PAQR4: variants seen among roughly 807,000 people sequenced by gnomAD.
PAQR4 encodes the protein progestin and adipoQ receptor family member IV.
In PAQR4, 26 loss-of-function variants were observed where a neutral mutation model predicts 20.9. That is an observed-to-expected ratio of 1.24 (90% confidence interval 0.91 to 1.73). The LOEUF is 1.73. Among genes scored for constraint, PAQR4 ranks in the 40% most tolerant of loss-of-function variants. PAQR4 has a pLI of 0.00. For missense variants in PAQR4, 400 were observed against 380.1 expected (o/e 1.05, Z -0.44); for synonymous variants, 193 against 171.6 (o/e 1.12, Z -0.97).
rs937113652 is a variant in PAQR4 at position 2,969,471 on chromosome 16, G to C, written c.-204G>C. The C allele has an allele frequency of 5.6e-5, 19 of 339,292 alleles. No individual in the cohort carries two copies. Among genetic ancestry groups the C allele is most frequent in the Non-Finnish European group, 8.3e-5 (17 of 204,244 alleles). 21.0% of individuals were successfully genotyped at this position (339,292 alleles called of 1,614,324 possible). A position where few individuals can be genotyped will look rare whatever the true frequency, so the allele number is the denominator to read the frequency against. On this transcript the variant is annotated 5_prime_UTR_variant, in exon 1 of 3. Transcript: ENST00000318782. ...GCGTCCCCAGCCTCCGCCCCGGCGC[G>C]GGGGCGACGGACTCGCGCGTGCGCA...
At chr16:2,970,255 T>C in intron 1 of PAQR4, 1 of 179,400 alleles carries the variant, frequency 5.6e-6, no homozygotes, top group Non-Finnish European at 1.2e-5. Flanking sequence ...AGCCGCTCTG[T>C]CTTGGGGCTC....
Position 2,969,846 on chromosome 16 carries a change from C to CCGCGTCCCGCAACG in PAQR4, c.166+10_166+23dup. The CCGCGTCCCGCAACG allele has an allele frequency of 6.2e-7, 1 of 1,608,974 alleles. No homozygotes were observed. Among genetic ancestry groups the CCGCGTCCCGCAACG allele is most frequent in the Non-Finnish European group, 8.5e-7 (1 of 1,178,304 alleles). ...GGGCAACATCTACACGCACGGTGAG[C>CCGCGTCCCGCAACG]CGCGTCCCGCAACGCGCTTCCCACA... On this transcript the variant is annotated splice_region_variant and intron_variant, in intron 1 of 2. Coordinates refer to ENST00000318782, the MANE Select transcript of PAQR4 (RefSeq NM_152341.5).
Position 2,971,627 on chromosome 16 carries a change from C to T in PAQR4, c.501C>T (p.Ala167=), listed in dbSNP as rs142664175. 6,194 of 1,606,864 alleles carry T rather than the reference C, an allele frequency of 3.9e-3. 18 individuals carry two copies. The highest frequency in any genetic ancestry group is 4.8e-3 in the Non-Finnish European group (5,642 of 1,179,848). The change falls in exon 3 of 3, where the codon GCC becomes GCT. Residue 167 remains alanine, a synonymous_variant. Coordinates refer to ENST00000318782, the MANE Select transcript of PAQR4 (RefSeq NM_152341.5). ...TGGCCGGCTGGCGTGCTCTCACCGC[C>T]CCCTCCACCAGTGCTCGGCTCCGGG... The part of the protein sequence containing the change: ...SGVAGWRALT[A]PSTSARLRAF...
rs932076811 is a variant in PAQR4 at position 2,973,234 on chromosome 16, G to C, written c.*1286G>C. ...TGAAGGCCTGCAGGAGGGCAGGCGA[G>C]ACAAGGAGGGTGTCCAGGGCTAGGG... On this transcript the variant is annotated 3_prime_UTR_variant, in exon 3 of 3. Transcript: ENST00000318782. 2 of 1,484,286 alleles carry C rather than the reference G, an allele frequency of 1.3e-6. No individual in the cohort carries two copies. The highest frequency in any genetic ancestry group is 1.8e-6 in the Non-Finnish European group (2 of 1,113,456). The allele number at this position is 1,484,286 out of a possible 1,614,324, so 91.9% of individuals were successfully genotyped here.
At chr16:2,971,062 G>A in intron 1 of PAQR4, 95 bp from the exon 2 acceptor site, 5 of 1,260,906 alleles carry the variant, frequency 4.0e-6, no homozygotes, top group Non-Finnish European at 5.6e-6. Flanking sequence ...AGCATTACCT[G>A]GACCTGTCTT....
In PAQR4 at chr16:2,971,282, C is replaced by T. The variant is rs2071980430; in HGVS notation, c.292C>T (p.Leu98Phe). The T allele has an allele frequency of 1.2e-6, 2 of 1,612,958 alleles. No individual in the cohort carries two copies. The highest frequency in any genetic ancestry group is 1.7e-6 in the Non-Finnish European group (2 of 1,180,018). ...CCTTGCACCCCCTGCAGGCTCCGTG[C>T]TCTATCACCTCTTTATGTGCCACCA... is the stretch of plus-strand genomic sequence containing the variant. The part of the protein sequence containing the change: ...ACLAPPAGSV[L>F]YHLFMCHQGG... Residue 98 changes from leucine (L) to phenylalanine (F), a missense_variant, in exon 2 of 3, where the codon CTC (leucine) becomes TTC (phenylalanine). Coordinates refer to ENST00000318782, the MANE Select transcript of PAQR4 (RefSeq NM_152341.5).
Position 2,969,641 on chromosome 16 carries a change from A to T in PAQR4, c.-34A>T. 1.4e-6 allele frequency: 2 copies of T among 1,475,870 alleles called. No individual in the cohort carries two copies. Among genetic ancestry groups the T allele is most frequent in the Non-Finnish European group, 1.8e-6 (2 of 1,115,742 alleles). The allele number at this position is 1,475,870 out of a possible 1,614,324, so 91.4% of individuals were successfully genotyped here. The stretch of plus-strand genomic sequence containing the variant: ...CCCACTGAGGAGGAGGCTCGGGGAC[A>T]GCAGGAGCACGGGCTGCCCGCGCGG... On this transcript the variant is annotated 5_prime_UTR_variant, in exon 1 of 3. Coordinates refer to ENST00000318782, the MANE Select transcript of PAQR4 (RefSeq NM_152341.5).
rs1047844109 is a variant in PAQR4 at position 2,972,609 on chromosome 16, T to C, written c.*661T>C. ...TGCCTGCCCTCCACCTTGAGTGCCA[T>C]ACTCCCAACAGCTCCAGGTACCCAC... On this transcript the variant is annotated 3_prime_UTR_variant, in exon 3 of 3. Transcript: ENST00000318782. The C allele has an allele frequency of 2.3e-5, 35 of 1,533,700 alleles. No homozygotes were observed. The highest frequency in any genetic ancestry group is 2.3e-5 in the Non-Finnish European group (26 of 1,145,786).
intron 1 of PAQR4, 149 bp from the exon 2 acceptor site, chr16:2,971,008 C>T (rs1295206849): frequency 1.6e-5 from 12 of 730,044 alleles, no homozygotes; most frequent in Non-Finnish European, 2.3e-5. Flanking sequence ...AGCCTTTTGC[C>T]CAGGGCCTGT....
intron 1 of PAQR4, among the ~76,000 whole-genome samples, chr16:2,970,791 C>T (rs2071963824): frequency 6.6e-6 from 1 of 152,266 alleles, no homozygotes; most frequent in Non-Finnish European, 1.5e-5. Context: ...GTTTCGCTGC[C>T]TTAGCCTTCT....
In PAQR4 at chr16:2,969,816, G is replaced by A. The variant is rs1596437800; in HGVS notation, c.142G>A (p.Glu48Lys). ...GCGCAGCCTCTTCTACCTGCACAAC[G>A]AACTGGGCAACATCTACACGCACGG... ...CLRSLFYLHN[E>K]LGNIYTHGLA... Residue 48 changes from glutamate to lysine, a missense_variant, in exon 1 of 3, where the codon GAA (glutamate) becomes AAA (lysine). Glu to Lys is a moderately conservative substitution (Grantham distance 56). Transcript: ENST00000318782. The A allele has an allele frequency of 3.7e-6, 6 of 1,610,776 alleles. No homozygotes were observed. The South Asian group carries it at 6.6e-5, about 18-fold the overall frequency.
Position 2,973,424 on chromosome 16 carries a change from T to C in PAQR4, c.*1476T>C, listed in dbSNP as rs768991811. On this transcript the variant is annotated 3_prime_UTR_variant, in exon 3 of 3. Coordinates refer to ENST00000318782, the MANE Select transcript of PAQR4 (RefSeq NM_152341.5). The stretch of plus-strand genomic sequence containing the variant: ...TCTGGCTGCACTCCAAGGCCCCCTC[T>C]GTCCTTTTCAGAACACATGGACTTG... 2 of 1,532,736 alleles carry C rather than the reference T, an allele frequency of 1.3e-6. No homozygotes were observed. The highest frequency in any genetic ancestry group is 3.4e-4 in the Middle Eastern group (2 of 5,960). The allele number at this position is 1,532,736 out of a possible 1,614,324, so 94.9% of individuals were successfully genotyped here. A position where few individuals can be genotyped will look rare whatever the true frequency, so the allele number is the denominator to read the frequency against.
Position 2,971,228 on chromosome 16 carries a change from T to C in PAQR4, c.238T>C (p.Trp80Arg). ...CTGGGGTCAGCTGGGCAAGGATGGC[T>C]GGCTGGGAGGCACACATTGCGTGGC... ...MPWGQLGKDGWLGGTHCVACL... is the reference protein window; with the variant it reads ...MPWGQLGKDGRLGGTHCVACL... Residue 80 changes from tryptophan to arginine, a missense_variant, in exon 2 of 3, where the codon TGG becomes CGG. Coordinates refer to ENST00000318782, the MANE Select transcript of PAQR4 (RefSeq NM_152341.5). The C allele has an allele frequency of 6.2e-7, 1 of 1,613,308 alleles. No homozygotes were observed. The highest frequency in any genetic ancestry group is 8.5e-7 in the Non-Finnish European group (1 of 1,180,004).
At position 2,969,518 on chromosome 16, in the gene PAQR4, G is replaced by C. The variant is rs1481311209; in HGVS notation, c.-157G>C. 5 of 727,286 alleles carry C rather than the reference G, an allele frequency of 6.9e-6. No homozygotes were observed. The highest frequency in any genetic ancestry group is 9.4e-6 in the Non-Finnish European group (5 of 533,258). The allele number at this position is 727,286 out of a possible 1,614,324, so 45.1% of individuals were successfully genotyped here. A position where few individuals can be genotyped will look rare whatever the true frequency, so the allele number is the denominator to read the frequency against. On this transcript the variant is annotated 5_prime_UTR_variant, in exon 1 of 3. Coordinates refer to ENST00000318782, the MANE Select transcript of PAQR4 (RefSeq NM_152341.5). ...CGCAGCGCCGGAGGGGCGCGGGCTG[G>C]GACCCCCTAGCCAGCGCGTGCGCCG... is the stretch of plus-strand genomic sequence containing the variant.
Position 2,972,982 on chromosome 16 carries a change from G to A in PAQR4, c.*1034G>A. Reference sequence around the variant, plus strand: ...GTTGGGTCTAGGGTGTCCTCAAACAGGCTGAGGAGGTTCCGAGGCTCAAAG... The same window carrying A: ...GTTGGGTCTAGGGTGTCCTCAAACAAGCTGAGGAGGTTCCGAGGCTCAAAG... On this transcript the variant is annotated 3_prime_UTR_variant, in exon 3 of 3. Coordinates refer to ENST00000318782, the MANE Select transcript of PAQR4 (RefSeq NM_152341.5). 6.2e-7 allele frequency: 1 copy of A among 1,609,988 alleles called. No homozygotes were observed. The highest frequency in any genetic ancestry group is 8.5e-7 in the Non-Finnish European group (1 of 1,179,074).
Position 2,971,535 on chromosome 16 carries a change from T to C in PAQR4, c.409T>C (p.Cys137Arg), listed in dbSNP as rs753612634. The change falls in exon 3 of 3, where the codon TGC (cysteine) becomes CGC (arginine). Residue 137 changes from cysteine (C) to arginine (R), a missense_variant. By Grantham distance (180) the Cys-to-Arg change is radical. Transcript: ENST00000318782. ...TGCAGGGGCCCTGCCCATCATCCAC[T>C]GCACCCTGGCCTGCAGGCCCTGGCT... ...NTLGALPIIHCTLACRPWLRP... is the reference protein window; with the variant it reads ...NTLGALPIIHRTLACRPWLRP... The C allele has an allele frequency of 1.3e-6, 2 of 1,590,266 alleles. No individual in the cohort carries two copies. The highest frequency in any genetic ancestry group is 1.7e-6 in the Non-Finnish European group (2 of 1,173,440).
Position 2,972,940 on chromosome 16 carries a change from CAG to C in PAQR4, c.*995_*996del, listed in dbSNP as rs745881639. Reference sequence around the variant, plus strand: ...GGATAAAAGGTTAAAAGTGCAGAGGCAGAGTCTGGGGCTCAGGTTGGGTCTAG... The same window carrying C: ...GGATAAAAGGTTAAAAGTGCAGAGGCAGTCTGGGGCTCAGGTTGGGTCTAG... On this transcript the variant is annotated 3_prime_UTR_variant, in exon 3 of 3. Coordinates refer to ENST00000318782, the MANE Select transcript of PAQR4 (RefSeq NM_152341.5). 5.6e-6 allele frequency: 9 copies of C among 1,593,380 alleles called. No individual in the cohort carries two copies. The African/African-American group carries it at 1.2e-4, about 21-fold the overall frequency.
chr16:2,972,677 C>T lies in PAQR4; in HGVS notation c.*729C>T. ...CAGGAAACCTCTTTGCTCCACACAG[C>T]ATGGGGCTTCAGCTGCTGGCCCAAG... On this transcript the variant is annotated 3_prime_UTR_variant, in exon 3 of 3. Transcript: ENST00000318782. The T allele has an allele frequency of 6.5e-7, 1 of 1,535,852 alleles. No individual in the cohort carries two copies. The highest frequency in any genetic ancestry group is 2.4e-5 in the East Asian group (1 of 40,908).
chr16:2,969,950 C>A, intron 1 of PAQR4, 110 bp downstream of exon 1: 1 of 1,389,938 alleles, frequency 7.2e-7, no homozygotes, highest in Non-Finnish European at 9.7e-7. Context: ...AGGGCTGCCC[C>A]GGCCCTGGCA....
Sources: allele counts gnomAD v4.1 joint callset (sites outside exome capture counted in the v4.1 genomes callset), GRCh38; gene constraint gnomAD v4.1.1; transcripts MANE v1.5; gene names NCBI Gene and HGNC (gene_info 2026-07-23, HGNC 2026-07-21).